The following HIPK1 variants were observed in gnomAD, a reference collection of about 807,000 sequenced individuals.
The protein encoded by HIPK1 is homeodomain interacting protein kinase 1.
Under a neutral mutation model 117.1 loss-of-function variants are expected in HIPK1, and 28 were observed. The ratio of observed to expected loss-of-function variants is 0.24; its 90% CI spans 0.18 to 0.33. HIPK1 has a LOEUF of 0.33. Among genes scored for constraint, HIPK1 ranks in the 10% least tolerant of loss-of-function variants. The pLI, the probability that HIPK1 is intolerant of heterozygous loss-of-function variation, is 1.00. For missense variants in HIPK1, 1,122 were observed against 1,475.1 expected (o/e 0.76, Z 3.92); for synonymous variants, 605 against 562.5 (o/e 1.08, Z -1.07).
chr1:113,939,233 C>A (rs111291699), intron 1 of HIPK1, among the ~76,000 whole-genome samples: 110 of 152,004 alleles, frequency 7.2e-4, no homozygotes, highest in South Asian at 4.6e-3. Context: ...CAGCTCACTG[C>A]AGCCTCTACC....
chr1:113,947,160 A>G (rs1019759419), intron 2 of HIPK1, among the ~76,000 whole-genome samples: 1 of 152,142 alleles, frequency 6.6e-6, no homozygotes, highest in Non-Finnish European at 1.5e-5. Context: ...TGCTGTGTCC[A>G]TTGGCCCTGG....
intron 9 of HIPK1, among the ~76,000 whole-genome samples, chr1:113,962,666 G>A (rs190099888): frequency 6.6e-6 from 1 of 152,296 alleles, no homozygotes; most frequent in African/African-American, 2.4e-5. Flanking sequence ...AGACATTCTT[G>A]AGAAATGGTC....
intron 8 of HIPK1, among the ~76,000 whole-genome samples, chr1:113,960,338 C>G (rs1283676274): frequency 3.3e-5 from 5 of 152,124 alleles, no homozygotes; most frequent in African/African-American, 1.2e-4. Flanking sequence ...TTTGTTAATT[C>G]TTTTTTTCCA....
At chr1:113,948,424 T>A (rs577973095) in intron 2 of HIPK1, among the ~76,000 whole-genome samples, 19 of 152,212 alleles carry the variant, frequency 1.2e-4, no homozygotes, top group Admixed American at 2.6e-4. Context: ...GCTAATTTTT[T>A]AAATTTTTTT....
chr1:113,929,842 G>T (rs1006312756), intron 1 of HIPK1: 42 of 987,670 alleles, frequency 4.3e-5, no homozygotes, highest in Non-Finnish European at 4.9e-5. Flanking sequence ...GCTCGCGCGG[G>T]GGGTATGATG....
chr1:113,973,261 T>A lies in HIPK1; in HGVS notation c.3382T>A (p.Ser1128Thr), dbSNP rs933929924. ...TGCTGCTGCACTGGGCTCAACCAGC[T>A]CCATTGCTCATCTTTTCTCCCCACA... is the stretch of plus-strand genomic sequence containing the variant. ...TSAAALGSTS[S>T]IAHLFSPQGS... The change falls in exon 16 of 16, where the codon TCC becomes ACC. Residue 1128 changes from serine to threonine, a missense_variant. Ser to Thr is a moderately conservative substitution (Grantham distance 58). This residue lies in a region of HIPK1 where 731 missense variants were observed against 860.4 expected (regional missense o/e 0.85). Transcript: ENST00000426820. 6.2e-7 allele frequency: 1 copy of A among 1,613,984 alleles called. No homozygotes were observed. Among genetic ancestry groups the A allele is most frequent in the Non-Finnish European group, 8.5e-7 (1 of 1,180,020 alleles).
In HIPK1 at chr1:113,973,380, T is replaced by C. The variant is rs1307975072; in HGVS notation, c.3501T>C (p.Ser1167=). 1 of 1,614,160 alleles carries C rather than the reference T, an allele frequency of 6.2e-7. No individual in the cohort carries two copies. The highest frequency in any genetic ancestry group is 8.5e-7 in the Non-Finnish European group (1 of 1,180,020). The change falls in exon 16 of 16, where the codon TCT becomes TCC. Residue 1167 remains serine, a synonymous_variant. Coordinates refer to ENST00000426820, the MANE Select transcript of HIPK1 (RefSeq NM_198268.3). ...PVSVGPSLLT[S]ASVAPAQYQH... is the part of the protein sequence containing the mutation. ...GTGTTGGGCCCAGCCTCCTCACTTC[T>C]GCCAGCGTGGCCCCTGCTCAGTACC...
At chr1:113,957,424 G>A in intron 7 of HIPK1, 138 bp downstream of exon 7, 3 of 653,910 alleles carry the variant, frequency 4.6e-6, no homozygotes, top group Non-Finnish European at 7.9e-6. Flanking sequence ...AAAAGTTGAT[G>A]GAAAACAGGG....
chr1:113,957,855 GT>G (rs1223023618), intron 7 of HIPK1, among the ~76,000 whole-genome samples: 84 of 142,240 alleles, frequency 5.9e-4, no homozygotes, highest in Middle Eastern at 3.8e-3. Context: ...AGGACCATTC[GT>G]TTTTTTTTTT....
chr1:113,949,547 C>G (rs1040033245), intron 2 of HIPK1, among the ~76,000 whole-genome samples: 1 of 151,928 alleles, frequency 6.6e-6, no homozygotes, highest in East Asian at 1.9e-4. Flanking sequence ...TAATATGTGC[C>G]TCTAGCCACC....
intron 5 of HIPK1, among the ~76,000 whole-genome samples, chr1:113,956,109 CTA>C (rs749437841): frequency 2.2e-4 from 27 of 123,736 alleles, no homozygotes; most frequent in Non-Finnish European, 3.7e-4. Flanking sequence ...GAGTCTCACT[CTA>C]TTGCCCAGGC....
At chr1:113,944,565 C>T (rs560214824) in intron 2 of HIPK1, among the ~76,000 whole-genome samples, 1 of 150,540 alleles carries the variant, frequency 6.6e-6, no homozygotes, top group East Asian at 2.0e-4. Flanking sequence ...TTCACTGCAA[C>T]CTCCACCTCA....
At chr1:113,955,715 A>C in intron 5 of HIPK1, 66 bp downstream of exon 5, 1 of 803,002 alleles carries the variant, frequency 1.2e-6, no homozygotes, top group South Asian at 1.7e-5. Flanking sequence ...TGTTGATTAT[A>C]CTAAAGACAA....
chr1:113,943,287 T>G (rs1344716656), intron 2 of HIPK1, among the ~76,000 whole-genome samples: 1 of 152,224 alleles, frequency 6.6e-6, no homozygotes, highest in Non-Finnish European at 1.5e-5. Context: ...TAACTCCCTA[T>G]TCTCTCTTCT....
chr1:113,937,887 G>C (rs1340224884), intron 1 of HIPK1, among the ~76,000 whole-genome samples: 1 of 152,056 alleles, frequency 6.6e-6, no homozygotes, highest in Non-Finnish European at 1.5e-5. Flanking sequence ...TGGCTAGAGT[G>C]GGGGTTAGGG....
chr1:113,934,260 G>A (rs1670105877), intron 1 of HIPK1, among the ~76,000 whole-genome samples: 1 of 152,182 alleles, frequency 6.6e-6, no homozygotes, highest in Non-Finnish European at 1.5e-5. Flanking sequence ...TTACTGAGGG[G>A]TAAGGACAAA....
At position 113,940,930 on chromosome 1, in the gene HIPK1, C is replaced by G; in HGVS notation, c.547C>G (p.Leu183Val). Residue 183 changes from leucine (L) to valine (V), a missense_variant, in exon 2 of 16, where the codon CTT becomes GTT. Leu to Val is a conservative substitution (Grantham distance 32). Transcript: ENST00000426820. ...GDYQLVQHEI[L>V]CSMTNSYEVL... is the part of the protein sequence containing the mutation. ...TTACCAGCTGGTCCAGCATGAGATCCTTTGCTCTATGACCAATAGCTATGA... is the reference window on the plus strand; with the variant it reads ...TTACCAGCTGGTCCAGCATGAGATCGTTTGCTCTATGACCAATAGCTATGA... The G allele has an allele frequency of 6.2e-7, 1 of 1,614,130 alleles. No homozygotes were observed. Among genetic ancestry groups the G allele is most frequent in the Non-Finnish European group, 8.5e-7 (1 of 1,180,018 alleles).
chr1:113,942,565 T>A (rs1234135353), intron 2 of HIPK1, among the ~76,000 whole-genome samples: 1 of 152,230 alleles, frequency 6.6e-6, no homozygotes, highest in African/African-American at 2.4e-5. Context: ...TACAATCTCT[T>A]CCTGTTTTAA....
At chr1:113,931,828 G>T (rs1178338697) in intron 1 of HIPK1, among the ~76,000 whole-genome samples, 1 of 152,138 alleles carries the variant, frequency 6.6e-6, no homozygotes. Context: ...ATTGTAACTG[G>T]TCTTGTAATT....
Sources: gnomAD v4.1 joint callset for allele counts (sites outside exome capture counted in the v4.1 genomes callset) on GRCh38, gnomAD v4.1.1 for gene constraint, gnomAD v4.1.1 regional missense constraint, MANE v1.5 for transcripts, NCBI Gene and HGNC (gene_info 2026-07-23, HGNC 2026-07-21) for gene names.